The following KATNBL1 variants were observed in gnomAD, a reference collection of about 807,000 sequenced individuals.
KATNBL1 encodes KATNB1-like protein 1.
Under a neutral mutation model 44.7 loss-of-function variants are expected in KATNBL1, and 28 were observed. The observed-to-expected ratio is 0.63, with a 90% CI of 0.46 to 0.86. The LOEUF (loss-of-function observed/expected upper bound fraction) is 0.86, where lower values mean the gene tolerates loss of function less well. KATNBL1 is among the 40% of genes least tolerant of loss of function. KATNBL1 has a pLI of 0.00. For synonymous variants in KATNBL1, 78 were observed against 114.9 expected (o/e 0.68, Z 2.06); for missense variants, 272 against 350.7 (o/e 0.78, Z 1.79).
intron 1 of KATNBL1, among the ~76,000 whole-genome samples, chr15:34,193,299 T>A (rs1380275306): frequency 1.3e-5 from 2 of 149,242 alleles, no homozygotes. Flanking sequence ...TTTGGGAGGC[T>A]GAGGCAGGCA....
At chr15:34,187,867 G>A (rs1435196581) in intron 1 of KATNBL1, among the ~76,000 whole-genome samples, 3 of 152,008 alleles carry the variant, frequency 2.0e-5, no homozygotes, top group East Asian at 1.9e-4. Context: ...GGCCAGGCAC[G>A]GTGGCTCACA....
intron 1 of KATNBL1, among the ~76,000 whole-genome samples, chr15:34,193,874 A>AAAAAAAG (rs1889959657): frequency 6.6e-6 from 1 of 151,094 alleles, no homozygotes; most frequent in Non-Finnish European, 1.5e-5. Context: ...AAAAAAAAAA[A>AAAAAAAG]AAAAAATCAC....
chr15:34,148,601 T>G, intron 5 of KATNBL1, 31 bp downstream of exon 5: 1 of 1,257,306 alleles, frequency 8.0e-7, no homozygotes, highest in Non-Finnish European at 1.2e-6. Context: ...AAAAAAGTGA[T>G]TGAACAAAGA....
chr15:34,159,311 T>C (rs916941018), intron 2 of KATNBL1, among the ~76,000 whole-genome samples: 7 of 152,172 alleles, frequency 4.6e-5, no homozygotes, highest in Non-Finnish European at 1.5e-5. Flanking sequence ...TTTGTTTACA[T>C]TGACAAAGAG....
rs1382845450 is a variant in KATNBL1 at position 34,154,631 on chromosome 15, A to G, written c.158+13T>C. On this transcript the variant is annotated intron_variant, in intron 3 of 9. Transcript: ENST00000256544. ...TATTTGTTGTTCCCCACAAACTTTAAAGAAACTCTTACCTATTTATGTAAG... is the reference window on the plus strand; with the variant it reads ...TATTTGTTGTTCCCCACAAACTTTAGAGAAACTCTTACCTATTTATGTAAG... 6.5e-7 allele frequency: 1 copy of G among 1,546,160 alleles called. No individual in the cohort carries two copies. Among genetic ancestry groups the G allele is most frequent in the Non-Finnish European group, 8.9e-7 (1 of 1,118,486 alleles).
intron 4 of KATNBL1, among the ~76,000 whole-genome samples, chr15:34,150,934 T>C (rs956408320): frequency 3.3e-5 from 5 of 152,188 alleles, no homozygotes; most frequent in Non-Finnish European, 5.9e-5. Flanking sequence ...GCAAATGACA[T>C]GATCTTGTTC....
rs557565737 is a variant in KATNBL1, at chr15:34,205,087, G to A, written c.-15+4864C>T. On this transcript the variant is annotated intron_variant, in intron 1 of 9. Coordinates refer to ENST00000256544, the MANE Select transcript of KATNBL1 (RefSeq NM_024713.3). ...CGGCTCACTGCAACCTCCGCCTCCC[G>A]GGTTCAAGTGACTCCCCTGCCTCAG... Among the ~76,000 whole-genome samples the A allele has an allele frequency of 5.3e-3, 806 of 150,938 alleles. 9 individuals carry two copies. Among genetic ancestry groups the A allele is most frequent in the African/African-American group, 0.018 (757 of 41,088 alleles).
At chr15:34,209,785 G>GC (rs985062773) in intron 1 of KATNBL1, 166 bp downstream of exon 1, 14 of 150,948 alleles carry the variant, frequency 9.3e-5, no homozygotes, top group African/African-American at 3.1e-4. Context: ...CCCCGGCCTT[G>GC]CCGCCCCGCC....
chr15:34,195,536 A>G (rs909729265), intron 1 of KATNBL1, among the ~76,000 whole-genome samples: 1 of 152,078 alleles, frequency 6.6e-6, no homozygotes, highest in African/African-American at 2.4e-5. Context: ...CACATGCAAT[A>G]TATCAATGTA....
chr15:34,159,182 G>A (rs1888724809), intron 2 of KATNBL1, among the ~76,000 whole-genome samples: 1 of 151,986 alleles, frequency 6.6e-6, no homozygotes, highest in South Asian at 2.1e-4. Context: ...GGCTGTTGCT[G>A]CTACAGATTG....
chr15:34,170,147 T>C (rs1276455995), intron 1 of KATNBL1, among the ~76,000 whole-genome samples: 1 of 152,168 alleles, frequency 6.6e-6, no homozygotes, highest in African/African-American at 2.4e-5. Flanking sequence ...GGAAGTCAAA[T>C]TGTCCCTGTT....
intron 1 of KATNBL1, among the ~76,000 whole-genome samples, chr15:34,192,860 A>G (rs1889915554): frequency 6.6e-6 from 1 of 152,234 alleles, no homozygotes; most frequent in African/African-American, 2.4e-5. Context: ...CAACAGTATT[A>G]AACGTTTTTA....
chr15:34,180,225 CTCTT>C (rs1275206029), intron 1 of KATNBL1, among the ~76,000 whole-genome samples: 1 of 151,808 alleles, frequency 6.6e-6, no homozygotes, highest in Non-Finnish European at 1.5e-5. Context: ...CTTCCATTTT[CTCTT>C]TAACTCTTTG....
chr15:34,160,733 T>C (rs1344589398), intron 2 of KATNBL1, among the ~76,000 whole-genome samples: 1 of 152,210 alleles, frequency 6.6e-6, no homozygotes, highest in African/African-American at 2.4e-5. Context: ...TCCCTTACCT[T>C]ACTTGGGGTA....
intron 1 of KATNBL1, among the ~76,000 whole-genome samples, chr15:34,207,248 G>A (rs1016850888): frequency 6.6e-6 from 1 of 151,606 alleles, no homozygotes; most frequent in African/African-American, 2.4e-5. Context: ...TCACTCTGTC[G>A]CCCAGGCTGG....
At chr15:34,176,342 C>A (rs1471250369) in intron 1 of KATNBL1, among the ~76,000 whole-genome samples, 1 of 151,872 alleles carries the variant, frequency 6.6e-6, no homozygotes, top group Non-Finnish European at 1.5e-5. Context: ...CACGCCATTG[C>A]ACTCCAGCCT....
intron 1 of KATNBL1, among the ~76,000 whole-genome samples, chr15:34,203,631 C>T (rs916012244): frequency 2.0e-5 from 3 of 152,220 alleles, no homozygotes; most frequent in African/African-American, 7.2e-5. Context: ...AGACTGTGAG[C>T]TCCATGAGAG....
rs1327920484 is a variant in KATNBL1, at chr15:34,166,618, T to C, written c.-14-2928A>G. Among the ~76,000 whole-genome samples, 17 of 152,354 alleles carry C rather than the reference T, an allele frequency of 1.1e-4. 1 individual carries two copies. The highest frequency in any genetic ancestry group is 3.4e-3 in the Middle Eastern group (1 of 294). On this transcript the variant is annotated intron_variant, in intron 1 of 9. Coordinates refer to ENST00000256544, the MANE Select transcript of KATNBL1 (RefSeq NM_024713.3). ...CAACACGACGTTTGAGCTCTGAGAA[T>C]GGACAGACTGCCTCCTCAAGTGGGT...
At chr15:34,185,019 G>A (rs552464924) in intron 1 of KATNBL1, among the ~76,000 whole-genome samples, 24 of 152,118 alleles carry the variant, frequency 1.6e-4, no homozygotes, top group African/African-American at 5.3e-4. Context: ...GCCTAGGCTG[G>A]AGTGCCATGG....
Sources: gnomAD v4.1 joint callset for allele counts (sites outside exome capture counted in the v4.1 genomes callset) on GRCh38, gnomAD v4.1.1 for gene constraint, MANE v1.5 for transcripts, NCBI Gene and HGNC (gene_info 2026-07-23, HGNC 2026-07-21) for gene names.